The following CHRM3 variants were observed in gnomAD, a reference collection of about 807,000 sequenced individuals.
CHRM3 encodes cholinergic receptor muscarinic 3, also known as muscarinic acetylcholine receptor M3.
CHRM3 carries 11 observed loss-of-function variants against 41.8 expected under a neutral mutation model. The observed-to-expected ratio is 0.26, with a 90% CI of 0.17 to 0.44. The LOEUF is 0.44. Ranked by LOEUF, CHRM3 falls within the 20% of genes least tolerant of loss-of-function variation. The probability of loss-of-function intolerance (pLI) is 1.00; values close to 1 mark genes in which losing one functional copy is unlikely to be tolerated. For synonymous variants in CHRM3, 297 were observed against 301.4 expected (o/e 0.99, Z 0.15); for missense variants, 571 against 745.4 (o/e 0.77, Z 2.72).
chr1:239,596,949 G>A (rs968434747), intron 3 of CHRM3, among the ~76,000 whole-genome samples: 2 of 152,120 alleles, frequency 1.3e-5, no homozygotes, highest in African/African-American at 4.8e-5. Flanking sequence ...AAGCAGAAGA[G>A]AGGAAAGCAG....
chr1:239,446,860 T>TA (rs1664189193), intron 1 of CHRM3, among the ~76,000 whole-genome samples: 1 of 152,298 alleles, frequency 6.6e-6, no homozygotes, highest in East Asian at 1.9e-4. Flanking sequence ...AGGGAACATT[T>TA]AGAAGGATGT....
chr1:239,557,538 TA>T (rs1428554164), intron 3 of CHRM3, among the ~76,000 whole-genome samples: 1 of 152,148 alleles, frequency 6.6e-6, no homozygotes, highest in Non-Finnish European at 1.5e-5. Flanking sequence ...GTTACATGGG[TA>T]AATGCGTGGC....
At chr1:239,709,221 T>C (rs1661515297) in intron 5 of CHRM3, among the ~76,000 whole-genome samples, 1 of 152,200 alleles carries the variant, frequency 6.6e-6, no homozygotes, top group South Asian at 2.1e-4. Context: ...TCTTACAGTT[T>C]CTTGAGCACT....
chr1:239,667,250 A>G (rs532842363), intron 4 of CHRM3, among the ~76,000 whole-genome samples: 39 of 152,188 alleles, frequency 2.6e-4, no homozygotes, highest in Middle Eastern at 3.4e-3. Flanking sequence ...ACACACATAC[A>G]CCCAGCACAG....
At chr1:239,484,185 C>G (rs558422805) in intron 1 of CHRM3, among the ~76,000 whole-genome samples, 92 of 152,236 alleles carry the variant, frequency 6.0e-4, no homozygotes, top group African/African-American at 2.0e-3. Context: ...GCTGTACAAG[C>G]ATGGCACCAC....
chr1:239,701,238 G>A (rs2148096772), intron 5 of CHRM3, among the ~76,000 whole-genome samples: 1 of 152,316 alleles, frequency 6.6e-6, no homozygotes, highest in South Asian at 2.1e-4. Context: ...CAACTAGGCA[G>A]AATTTTGAGG....
intron 3 of CHRM3, among the ~76,000 whole-genome samples, chr1:239,603,698 G>T (rs34715966): frequency 6.6e-6 from 1 of 151,832 alleles, no homozygotes; most frequent in Admixed American, 6.6e-5. Context: ...TATATGATTC[G>T]CTCACAGGGT....
intron 2 of CHRM3, among the ~76,000 whole-genome samples, chr1:239,517,232 A>C (rs1363995656): frequency 1.3e-5 from 2 of 152,146 alleles, no homozygotes; most frequent in African/African-American, 4.8e-5. Flanking sequence ...GGCTTATAAT[A>C]AGTTCTTGGA....
chr1:239,776,292 G>T (rs1370459808), intron 5 of CHRM3, among the ~76,000 whole-genome samples: 1 of 152,128 alleles, frequency 6.6e-6, no homozygotes, highest in Non-Finnish European at 1.5e-5. Flanking sequence ...TACAATAAGT[G>T]CCTTATAAGG....
intron 3 of CHRM3, among the ~76,000 whole-genome samples, chr1:239,549,056 G>A (rs1659558249): frequency 6.6e-6 from 1 of 152,158 alleles, no homozygotes; most frequent in South Asian, 2.1e-4. Flanking sequence ...GATGGCAGCA[G>A]GCACAGAGAG....
chr1:239,555,017 C>G (rs1035738291), intron 3 of CHRM3, among the ~76,000 whole-genome samples: 3 of 152,076 alleles, frequency 2.0e-5, no homozygotes, highest in African/African-American at 7.2e-5. Flanking sequence ...CGTAAGCCAC[C>G]GCTCCCAGCC....
intron 1 of CHRM3, among the ~76,000 whole-genome samples, chr1:239,401,756 T>G (rs1397786594): frequency 5.3e-5 from 8 of 152,044 alleles, no homozygotes; most frequent in Non-Finnish European, 1.0e-4. Context: ...GCCTCCCAAA[T>G]TGCTGGGATT....
At chr1:239,527,573 C>T (rs1670078159) in intron 2 of CHRM3, among the ~76,000 whole-genome samples, 1 of 152,136 alleles carries the variant, frequency 6.6e-6, no homozygotes, top group East Asian at 1.9e-4. Context: ...GGTGAGCTCC[C>T]ACTCATAATT....
intron 5 of CHRM3, among the ~76,000 whole-genome samples, chr1:239,706,138 A>G (rs1661138962): frequency 1.3e-5 from 2 of 149,504 alleles, no homozygotes; most frequent in Non-Finnish European, 3.0e-5. Flanking sequence ...ATACAACTAA[A>G]TTATAATAAA....
At chr1:239,758,744 C>T (rs1053725136) in intron 5 of CHRM3, among the ~76,000 whole-genome samples, 1 of 152,102 alleles carries the variant, frequency 6.6e-6, no homozygotes, top group East Asian at 1.9e-4. Context: ...AGATATTTTT[C>T]CCCCTTAGAA....
At chr1:239,674,215 C>G (rs1159776476) in intron 4 of CHRM3, among the ~76,000 whole-genome samples, 1 of 151,978 alleles carries the variant, frequency 6.6e-6, no homozygotes, top group African/African-American at 2.4e-5. Flanking sequence ...ATTACTAGGT[C>G]CACAGATATG....
intron 6 of CHRM3, among the ~76,000 whole-genome samples, chr1:239,903,653 G>T (rs1170304657): frequency 6.6e-6 from 1 of 152,166 alleles, no homozygotes; most frequent in Non-Finnish European, 1.5e-5. Flanking sequence ...TCATCATGCT[G>T]TCTCTGTTTC....
At chr1:239,435,720 G>A (rs1386344178) in intron 1 of CHRM3, among the ~76,000 whole-genome samples, 2 of 152,006 alleles carry the variant, frequency 1.3e-5, no homozygotes, top group African/African-American at 2.4e-5. Context: ...AAATTCCACC[G>A]TGTTAATACA....
intron 5 of CHRM3, among the ~76,000 whole-genome samples, chr1:239,815,032 T>C (rs1018878704): frequency 1.3e-5 from 2 of 152,118 alleles, no homozygotes; most frequent in African/African-American, 4.8e-5. Context: ...TGCCTCGGCC[T>C]CCCAAAGTTC....
Sources: gnomAD v4.1 joint callset for allele counts (sites outside exome capture counted in the v4.1 genomes callset) on GRCh38, gnomAD v4.1.1 for gene constraint, MANE v1.5 for transcripts, NCBI Gene and HGNC (gene_info 2026-07-23, HGNC 2026-07-21) for gene names.